The following MSH3 variants were observed in gnomAD, a reference collection of about 807,000 sequenced individuals.
MSH3 encodes DNA mismatch repair protein Msh3.
Under a neutral mutation model 123.3 loss-of-function variants are expected in MSH3, and 106 were observed. The observed-to-expected ratio is 0.86, with a 90% confidence interval of 0.73 to 1.01. The LOEUF (loss-of-function observed/expected upper bound fraction) is 1.01. MSH3 is among the 50% of genes least tolerant of loss of function. The pLI is 0.00. For missense variants in MSH3, 1,459 were observed against 1,347.6 expected (o/e 1.08, Z -1.29); for synonymous variants, 515 against 481.4 (o/e 1.07, Z -0.91).
rs576416027 is a variant in MSH3 at position 80,853,979 on chromosome 5, G to A, written c.2814-151G>A. On this transcript the variant is annotated intron_variant, in intron 20 of 23. Coordinates refer to ENST00000265081, the MANE Select transcript of MSH3 (RefSeq NM_002439.5). ...GTTAGACACTCTTTACATCCAACAT[G>A]TTTTCTTTTGTTTAATTTAATTTGA... 13 of 666,634 alleles carry A rather than the reference G, an allele frequency of 2.0e-5. No homozygotes were observed. In the African/African-American group the frequency reaches 2.4e-4, roughly 12 times the overall value. The allele number at this position is 666,634 out of a possible 1,614,324, so 41.3% of individuals were successfully genotyped here. A position where few individuals can be genotyped will look rare whatever the true frequency, so the allele number is the denominator to read the frequency against.
intron 20 of MSH3, among the ~76,000 whole-genome samples, chr5:80,839,006 G>A (rs1745566898): frequency 6.6e-6 from 1 of 152,186 alleles, no homozygotes; most frequent in South Asian, 2.1e-4. Flanking sequence ...CAAACTTCTA[G>A]TGACAGTACT....
intron 21 of MSH3, among the ~76,000 whole-genome samples, chr5:80,862,324 G>A (rs1321136975): frequency 3.9e-5 from 6 of 152,202 alleles, no homozygotes; most frequent in Admixed American, 6.5e-5. Context: ...TTAATAAGGT[G>A]AATGGCAGGT....
intron 8 of MSH3, among the ~76,000 whole-genome samples, chr5:80,719,855 G>C (rs113451334): frequency 3.0e-4 from 46 of 152,248 alleles, no homozygotes; most frequent in African/African-American, 1.1e-3. Flanking sequence ...CTGTAGTATG[G>C]TTGTTCTTAC....
At chr5:80,829,568 G>A (rs959584248) in intron 20 of MSH3, among the ~76,000 whole-genome samples, 6 of 152,130 alleles carry the variant, frequency 3.9e-5, no homozygotes, top group African/African-American at 1.4e-4. Context: ...ACCCAGTCTT[G>A]CACACTTAGG....
At position 80,713,215 on chromosome 5, in the gene MSH3, A is replaced by G. The variant is rs1156783048; in HGVS notation, c.1341-12238A>G. Among the ~76,000 whole-genome samples, 3 of 152,158 alleles carry G rather than the reference A, an allele frequency of 2.0e-5. No individual in the cohort carries two copies. In the East Asian group the frequency reaches 5.8e-4, roughly 29 times the overall value. ...TTGGTGGTCTGTTATTTGATGCCAG[A>G]GAGTCACCAGTTTTATTTCCAAGCA... On this transcript the variant is annotated intron_variant, in intron 8 of 23. Transcript: ENST00000265081.
intron 22 of MSH3, among the ~76,000 whole-genome samples, chr5:80,869,833 CATAT>C (rs200397657): frequency 3.7e-4 from 26 of 69,820 alleles, no homozygotes; most frequent in East Asian, 2.6e-3. Flanking sequence ...TACATATATA[CATAT>C]ATATACACAC....
chr5:80,758,399 T>C lies in MSH3; in HGVS notation c.1764-3147T>C, dbSNP rs1189446245. ...TGTGTTAAGTACCTGACATTTATTATTTCATTGAATTCTTGTACTAACACC... is the reference window on the plus strand; with the variant it reads ...TGTGTTAAGTACCTGACATTTATTACTTCATTGAATTCTTGTACTAACACC... On this transcript the variant is annotated intron_variant, in intron 12 of 23. Coordinates refer to ENST00000265081, the MANE Select transcript of MSH3 (RefSeq NM_002439.5). Among the ~76,000 whole-genome samples, 3 of 152,204 alleles carry C rather than the reference T, an allele frequency of 2.0e-5. No homozygotes were observed. The East Asian group carries it at 5.8e-4, about 29-fold the overall frequency.
chr5:80,664,059 A>G (rs2112808025), intron 2 of MSH3, among the ~76,000 whole-genome samples: 1 of 152,164 alleles, frequency 6.6e-6, no homozygotes, highest in East Asian at 1.9e-4. Flanking sequence ...GATCCAGAAA[A>G]TGATAGTTTC....
intron 16 of MSH3, among the ~76,000 whole-genome samples, chr5:80,776,014 C>T (rs245406): frequency 9.2e-5 from 14 of 151,922 alleles, no homozygotes; most frequent in South Asian, 2.1e-4. Context: ...CTCAGCCTCC[C>T]GAGTAGCTGG....
At position 80,794,798 on chromosome 5, in the gene MSH3, G is replaced by A. The variant is rs138612134; in HGVS notation, c.2655+1954G>A. Among the ~76,000 whole-genome samples, 452 of 152,256 alleles carry A rather than the reference G, an allele frequency of 3.0e-3. 5 individuals carry two copies. The highest frequency in any genetic ancestry group is 0.01 in the African/African-American group (430 of 41,544). ...CAGGTGTCTGAGATTGCGAGAAATGGCGATTGGGAATCCTGAAGTTTATAG... is the reference window on the plus strand; with the variant it reads ...CAGGTGTCTGAGATTGCGAGAAATGACGATTGGGAATCCTGAAGTTTATAG... On this transcript the variant is annotated intron_variant, in intron 19 of 23. Transcript: ENST00000265081.
Position 80,670,307 on chromosome 5 carries a change from G to T in MSH3, c.790G>T (p.Glu264Ter), listed in dbSNP as rs766997264. 4.3e-6 allele frequency: 7 copies of T among 1,613,922 alleles called. No homozygotes were observed. Among genetic ancestry groups the T allele is most frequent in the Non-Finnish European group, 4.2e-6 (5 of 1,179,836 alleles). ...GTATAGATTCTTTGGGGAAGATGCA[G>T]AGGTAAGTCGTCTTTTCAGGCACTA... ...YKYRFFGEDA[E>*]IAARELNIYC... The change falls in exon 4 of 24, where the codon GAG becomes TAG. Residue 264 changes from glutamate to a stop codon, truncating the protein, a stop_gained and splice_region_variant. Transcript: ENST00000265081. LOFTEE classifies it high-confidence loss of function.
intron 15 of MSH3, among the ~76,000 whole-genome samples, chr5:80,771,496 C>G (rs1410594378): frequency 6.7e-6 from 1 of 150,046 alleles, no homozygotes; most frequent in Admixed American, 6.6e-5. Context: ...AAAAAAAGGA[C>G]TAATGCTATT....
rs528842850 is a variant in MSH3, at chr5:80,699,823, T to A, written c.1340+20730T>A. Among the ~76,000 whole-genome samples the A allele has an allele frequency of 2.0e-3, 299 of 152,296 alleles. 1 individual carries two copies. Among genetic ancestry groups the A allele is most frequent in the African/African-American group, 7.0e-3 (290 of 41,556 alleles). On this transcript the variant is annotated intron_variant, in intron 8 of 23. Transcript: ENST00000265081. ...GATATTCCTTTACAGCAAATATTAATGGGATCTACATGGCTAAGTTACTGT... is the reference window on the plus strand; with the variant it reads ...GATATTCCTTTACAGCAAATATTAAAGGGATCTACATGGCTAAGTTACTGT...
chr5:80,869,863 C>CACACACACTA (rs1561505453), intron 22 of MSH3, among the ~76,000 whole-genome samples: 1 of 143,898 alleles, frequency 6.9e-6, no homozygotes, highest in Non-Finnish European at 1.5e-5. Flanking sequence ...CACACACACA[C>CACACACACTA]TATATAAAAA....
chr5:80,737,073 G>A (rs1453411652), intron 10 of MSH3, among the ~76,000 whole-genome samples: 3 of 152,142 alleles, frequency 2.0e-5, no homozygotes, highest in Admixed American at 2.0e-4. Flanking sequence ...GAAATGCAAA[G>A]TTAGTCATGT....
At position 80,768,056 on chromosome 5, in the gene MSH3, G is replaced by A. The variant is rs1158874938; in HGVS notation, c.2020G>A (p.Glu674Lys). The A allele has an allele frequency of 6.2e-7, 1 of 1,613,746 alleles. No homozygotes were observed. Among genetic ancestry groups the A allele is most frequent in the East Asian group, 2.2e-5 (1 of 44,834 alleles). ...QSDLLRTVIL[E>K]IPELLSPVEH... ...AGACTTGCTCCGGACCGTTATTTTA[G>A]AAATTCCTGAACTCCTCAGTCCAGT... The change falls in exon 14 of 24, where the codon GAA (glutamate) becomes AAA (lysine). Residue 674 changes from glutamate to lysine, a missense_variant. Glu to Lys is a moderately conservative substitution (Grantham distance 56). Transcript: ENST00000265081.
At chr5:80,840,110 T>G (rs1745588721) in intron 20 of MSH3, among the ~76,000 whole-genome samples, 1 of 152,218 alleles carries the variant, frequency 6.6e-6, no homozygotes, top group Admixed American at 6.5e-5. Flanking sequence ...TGTTTTTACC[T>G]TGAAAAGGTC....
In MSH3 at chr5:80,709,277, G is replaced by T. The variant is rs183736883; in HGVS notation, c.1341-16176G>T. Among the ~76,000 whole-genome samples the T allele has an allele frequency of 7.2e-4, 108 of 150,308 alleles. 1 individual carries two copies. Among genetic ancestry groups the T allele is most frequent in the Admixed American group, 1.3e-3 (19 of 15,030 alleles). On this transcript the variant is annotated intron_variant, in intron 8 of 23. Coordinates refer to ENST00000265081, the MANE Select transcript of MSH3 (RefSeq NM_002439.5). ...GCTAATGGAATTTGTGGAACATTTG[G>T]TAAAGCTCATAAATATTGCACAACT...
chr5:80,867,447 G>A (rs1469724191), intron 22 of MSH3, among the ~76,000 whole-genome samples: 1 of 152,204 alleles, frequency 6.6e-6, no homozygotes, highest in Non-Finnish European at 1.5e-5. Context: ...TTTCAGAATT[G>A]AGTAACAGGC....
Sources: gnomAD v4.1 joint callset for allele counts (sites outside exome capture counted in the v4.1 genomes callset) on GRCh38, gnomAD v4.1.1 for gene constraint, MANE v1.5 for transcripts, NCBI Gene and HGNC (gene_info 2026-07-23, HGNC 2026-07-21) for gene names.